Variants in P3H2 observed in about 807,000 individuals in gnomAD.
The protein encoded by P3H2 is leprecan-like 1.
Under a neutral mutation model 87.0 loss-of-function variants are expected in P3H2, and 80 were observed. The observed-to-expected ratio is 0.92, with a 90% CI of 0.77 to 1.11. The LOEUF (loss-of-function observed/expected upper bound fraction) is 1.11. Among genes scored for constraint, P3H2 ranks in the 50% least tolerant of loss-of-function variants. P3H2 has a pLI of 0.00. For synonymous variants in P3H2, 367 were observed against 359.3 expected (o/e 1.02, Z -0.24); for missense variants, 1,001 against 923.9 (o/e 1.08, Z -1.08).
intron 1 of P3H2, among the ~76,000 whole-genome samples, chr3:190,048,095 C>A (rs1283357838): frequency 2.0e-5 from 3 of 152,158 alleles, no homozygotes; most frequent in Non-Finnish European, 4.4e-5. Context: ...AGAAGAGGAG[C>A]AGTTTCACCA....
chr3:190,025,179 C>CTT (rs72439195), intron 1 of P3H2, among the ~76,000 whole-genome samples: 15 of 150,062 alleles, frequency 1.0e-4, no homozygotes, highest in East Asian at 5.9e-4. Flanking sequence ...ACTAGTAGAA[C>CTT]TTTTTTTTTT....
chr3:190,087,095 G>T (rs144438685), intron 1 of P3H2, among the ~76,000 whole-genome samples: 267 of 152,202 alleles, frequency 1.8e-3, no homozygotes, highest in African/African-American at 6.2e-3. Context: ...CATCTCCCTA[G>T]ACTAAATTAA....
rs1666486 is a variant in P3H2, at chr3:190,036,624, A to T, written c.481-41182T>A. 2.0e-5 allele frequency among the ~76,000 whole-genome samples: 3 copies of T among 152,196 alleles called. No individual in the cohort carries two copies. The East Asian group carries it at 5.8e-4, about 29-fold the overall frequency. On this transcript the variant is annotated intron_variant, in intron 1 of 14. Coordinates refer to ENST00000319332, the MANE Select transcript of P3H2 (RefSeq NM_018192.4). ...GGCAAGACAGAAATTAAAACTCATA[A>T]TCTAATGTCAAATCACATTCATTTC...
chr3:189,997,883 T>G (rs1240059885), intron 1 of P3H2, among the ~76,000 whole-genome samples: 2 of 152,198 alleles, frequency 1.3e-5, no homozygotes, highest in Admixed American at 6.5e-5. Context: ...GTATAAAGAA[T>G]GGGTTCAAAA....
intron 1 of P3H2, among the ~76,000 whole-genome samples, chr3:190,052,820 T>G (rs1047830039): frequency 6.6e-6 from 1 of 151,934 alleles, no homozygotes; most frequent in African/African-American, 2.4e-5. Context: ...GGCATATGCA[T>G]TCCCCCATGA....
At chr3:190,058,020 G>T (rs1378443858) in intron 1 of P3H2, among the ~76,000 whole-genome samples, 1 of 151,976 alleles carries the variant, frequency 6.6e-6, no homozygotes. Flanking sequence ...AATAGCTGGG[G>T]CAGATAAAAA....
At chr3:190,048,614 A>C (rs1725879803) in intron 1 of P3H2, among the ~76,000 whole-genome samples, 1 of 152,236 alleles carries the variant, frequency 6.6e-6, no homozygotes, top group Admixed American at 6.5e-5. Context: ...TTAAAAAACA[A>C]ACAAATGAAA....
rs558547147 is a variant in P3H2 at position 190,087,473 on chromosome 3, G to A, written c.480+32779C>T. 4.0e-5 allele frequency among the ~76,000 whole-genome samples: 6 copies of A among 149,842 alleles called. No homozygotes were observed. The East Asian group carries it at 1.2e-3, about 30-fold the overall frequency. On this transcript the variant is annotated intron_variant, in intron 1 of 14. Transcript: ENST00000319332. ...GCAGGAGAATGGCGTGAACCTGGGA[G>A]GCGGAGCTTGCAGTGAGCCGAGATC...
At chr3:190,060,308 A>C (rs759024803) in intron 1 of P3H2, among the ~76,000 whole-genome samples, 1 of 152,192 alleles carries the variant, frequency 6.6e-6, no homozygotes, top group Non-Finnish European at 1.5e-5. Context: ...ATCTATTTTA[A>C]AACTAGGCTG....
chr3:189,970,835 A>G lies in P3H2; in HGVS notation c.1874T>C (p.Met625Thr), dbSNP rs1723155463. Residue 625 changes from methionine to threonine, a missense_variant, in exon 13 of 15, where the codon ATG becomes ACG. Met to Thr is a moderately conservative substitution (Grantham distance 81). Coordinates refer to ENST00000319332, the MANE Select transcript of P3H2 (RefSeq NM_018192.4). ...FEGGEFIFTE[M>T]DAKTVTASIK... is the part of the protein sequence containing the mutation. ...ACTTACAGTCACAGTCTTAGCATCC[A>G]TCTCTGTGAATATGAATTCTCCTCC... is the stretch of plus-strand genomic sequence containing the variant. The G allele has an allele frequency of 1.3e-6, 2 of 1,587,584 alleles. No homozygotes were observed. Among genetic ancestry groups the G allele is most frequent in the African/African-American group, 1.3e-5 (1 of 74,428 alleles).
At chr3:190,028,189 C>T (rs1341256016) in intron 1 of P3H2, among the ~76,000 whole-genome samples, 1 of 152,096 alleles carries the variant, frequency 6.6e-6, no homozygotes, top group African/African-American at 2.4e-5. Context: ...AAATAAGAGA[C>T]ACACATTAAA....
intron 8 of P3H2, among the ~76,000 whole-genome samples, chr3:189,979,752 G>GGGAGTTCAA (rs1215387391): frequency 6.6e-6 from 1 of 151,532 alleles, no homozygotes; most frequent in Non-Finnish European, 1.5e-5. Flanking sequence ...AACTGAGGTC[G>GGGAGTTCAA]GGAGTTCAAG....
At chr3:190,041,037 T>TATAC (rs1375254408) in intron 1 of P3H2, among the ~76,000 whole-genome samples, 2 of 49,370 alleles carry the variant, frequency 4.1e-5, no homozygotes, top group African/African-American at 5.8e-5. Flanking sequence ...TATATATATA[T>TATAC]ACACACACAC....
intron 6 of P3H2, among the ~76,000 whole-genome samples, chr3:189,985,421 A>AAT (rs1723659759): frequency 6.6e-6 from 1 of 151,578 alleles, no homozygotes; most frequent in South Asian, 2.1e-4. Context: ...ATCGCTGATA[A>AAT]ATTTGTGGTA....
intron 1 of P3H2, among the ~76,000 whole-genome samples, chr3:190,041,080 A>ATGT (rs1725607708): frequency 4.9e-5 from 2 of 40,612 alleles, no homozygotes; most frequent in African/African-American, 1.5e-4. Context: ...ACACACACAC[A>ATGT]CTCTCTCTCT....
intron 1 of P3H2, among the ~76,000 whole-genome samples, chr3:190,021,253 G>A (rs13322646): frequency 7.4e-6 from 1 of 134,818 alleles, no homozygotes; most frequent in African/African-American, 2.6e-5. Flanking sequence ...AGATGTTTTA[G>A]TCTGGTGGAG....
intron 6 of P3H2, among the ~76,000 whole-genome samples, chr3:189,985,860 T>C (rs568236298): frequency 1.3e-5 from 2 of 152,216 alleles, no homozygotes; most frequent in Admixed American, 6.5e-5. Context: ...CTATCTAAAA[T>C]TCTAAATTCT....
intron 1 of P3H2, among the ~76,000 whole-genome samples, chr3:190,071,987 T>TTTTG (rs1726714672): frequency 6.7e-6 from 1 of 150,220 alleles, no homozygotes; most frequent in African/African-American, 2.5e-5. Flanking sequence ...GGTTTTTTTT[T>TTTTG]TTTTTTTTTT....
chr3:190,007,687 C>T (rs910771238), intron 1 of P3H2, among the ~76,000 whole-genome samples: 1 of 151,754 alleles, frequency 6.6e-6, no homozygotes, highest in African/African-American at 2.4e-5. Flanking sequence ...CAGCCCTTAC[C>T]TTGCTAAGAA....
Sources: gnomAD v4.1 joint callset for allele counts (sites outside exome capture counted in the v4.1 genomes callset) on GRCh38, gnomAD v4.1.1 for gene constraint, MANE v1.5 for transcripts, NCBI Gene and HGNC (gene_info 2026-07-23, HGNC 2026-07-21) for gene names.